Variants in CNOT2 observed in about 807,000 individuals in gnomAD.
CNOT2 encodes CC chemokine receptor 4-negative regulator of transcription 2.
A neutral mutation model predicts 72.1 loss-of-function variants in CNOT2; 7 were observed. That is an observed-to-expected ratio of 0.10 (90% CI 0.06 to 0.18). The LOEUF (loss-of-function observed/expected upper bound fraction) is 0.18. Among genes scored for constraint, CNOT2 ranks in the 10% least tolerant of loss-of-function variants. CNOT2 has a pLI of 1.00. For missense variants in CNOT2, 345 were observed against 660.3 expected (o/e 0.52, Z 5.23); for synonymous variants, 196 against 225.6 (o/e 0.87, Z 1.17).
intron 1 of CNOT2, among the ~76,000 whole-genome samples, chr12:70,276,647 T>A (rs1036429324): frequency 6.6e-6 from 1 of 152,054 alleles, no homozygotes; most frequent in African/African-American, 2.4e-5. Flanking sequence ...TCCTTATGAA[T>A]AACCTCATTG....
chr12:70,313,569 T>A (rs1321130502), intron 3 of CNOT2, among the ~76,000 whole-genome samples: 1 of 152,060 alleles, frequency 6.6e-6, no homozygotes, highest in East Asian at 1.9e-4. Context: ...TCTACAAGCT[T>A]ATCCAATTGC....
At chr12:70,290,653 C>CTG (rs1418157945) in intron 2 of CNOT2, 1 of 67,916 alleles carries the variant, frequency 1.5e-5, no homozygotes, top group Non-Finnish European at 2.5e-5. Flanking sequence ...CCACACTACT[C>CTG]TCTCGGTTGG....
intron 1 of CNOT2, among the ~76,000 whole-genome samples, chr12:70,261,067 G>A (rs1185428994): frequency 6.6e-6 from 1 of 151,342 alleles, no homozygotes; most frequent in African/African-American, 2.4e-5. Flanking sequence ...TTTCTAGTAT[G>A]TTGAGTGCTT....
intron 1 of CNOT2, among the ~76,000 whole-genome samples, chr12:70,253,352 A>G (rs1260281733): frequency 6.6e-6 from 1 of 152,184 alleles, no homozygotes; most frequent in Non-Finnish European, 1.5e-5. Flanking sequence ...ATGACCCTGT[A>G]AAACTCCTGA....
At chr12:70,341,327 G>A (rs919586195) in intron 11 of CNOT2, among the ~76,000 whole-genome samples, 1 of 152,074 alleles carries the variant, frequency 6.6e-6, no homozygotes, top group Non-Finnish European at 1.5e-5. Flanking sequence ...TGTCAGTCAT[G>A]TCCCTGCCTT....
intron 2 of CNOT2, among the ~76,000 whole-genome samples, chr12:70,305,472 G>A (rs1162025985): frequency 6.6e-6 from 1 of 152,130 alleles, no homozygotes; most frequent in African/African-American, 2.4e-5. Context: ...ATATCAGCTA[G>A]GAAATGACCG....
chr12:70,353,126 G>A (rs1452810564), intron 15 of CNOT2, among the ~76,000 whole-genome samples: 2 of 149,928 alleles, frequency 1.3e-5, no homozygotes, highest in Non-Finnish European at 3.0e-5. Context: ...GGGCTGGAGT[G>A]CAGTGGTGCA....
At chr12:70,257,653 C>T (rs919744654) in intron 1 of CNOT2, among the ~76,000 whole-genome samples, 1 of 152,006 alleles carries the variant, frequency 6.6e-6, no homozygotes, top group Non-Finnish European at 1.5e-5. Context: ...AGGTGTGAGC[C>T]ACCGCGCCCG....
intron 2 of CNOT2, among the ~76,000 whole-genome samples, chr12:70,286,155 C>T (rs78690506): frequency 2.1e-5 from 3 of 143,844 alleles, no homozygotes; most frequent in South Asian, 4.6e-4. Context: ...AACTTTATGA[C>T]GTTAGAGAAG....
At chr12:70,344,267 G>A (rs781330552) in intron 14 of CNOT2, 39 bp downstream of exon 14, 1 of 1,255,738 alleles carries the variant, frequency 8.0e-7, no homozygotes, top group African/African-American at 1.5e-5. Context: ...GTATTATAGT[G>A]GATCTTGACT....
chr12:70,244,603 G>A (rs1524246), intron 1 of CNOT2, among the ~76,000 whole-genome samples: 11,759 of 152,114 alleles, frequency 0.077, 568 homozygotes, highest in Admixed American at 0.15. Flanking sequence ...AACTTCCTTC[G>A]AATCCTTGGA....
chr12:70,323,977 AT>A, intron 4 of CNOT2: 1 of 151,774 alleles, frequency 6.6e-6, no homozygotes, highest in Non-Finnish European at 1.5e-5. Context: ...GATTTTAAGT[AT>A]TTATGTGAAT....
At chr12:70,320,370 A>G (rs1322843798) in intron 4 of CNOT2, among the ~76,000 whole-genome samples, 3 of 151,650 alleles carry the variant, frequency 2.0e-5, no homozygotes, top group African/African-American at 7.2e-5. Flanking sequence ...GGAGGATGAA[A>G]CTAATTTTGT....
chr12:70,306,907 T>C lies in CNOT2; in HGVS notation c.49-3988T>C, dbSNP rs562930373. On this transcript the variant is annotated intron_variant, in intron 2 of 15. Coordinates refer to ENST00000229195, the MANE Select transcript of CNOT2 (RefSeq NM_014515.7). ...ACCTCTTGCTCCTAGGCTATAAACA[T>C]GTACAGCATATTGCTATACGAATTC... 2.5e-4 allele frequency among the ~76,000 whole-genome samples: 38 copies of C among 152,336 alleles called. 1 individual carries two copies. The highest frequency in any genetic ancestry group is 9.1e-4 in the African/African-American group (38 of 41,578).
chr12:70,312,330 CT>C (rs1012137869), intron 3 of CNOT2, among the ~76,000 whole-genome samples: 14 of 151,718 alleles, frequency 9.2e-5, no homozygotes, highest in Non-Finnish European at 1.9e-4. Flanking sequence ...GTGTGTATTG[CT>C]GTGATTATAT....
chr12:70,261,048 T>G (rs1161131548), intron 1 of CNOT2, among the ~76,000 whole-genome samples: 1 of 151,970 alleles, frequency 6.6e-6, no homozygotes, highest in Non-Finnish European at 1.5e-5. Flanking sequence ...TTGAGGATGT[T>G]CCTTTCTATT....
intron 2 of CNOT2, chr12:70,290,812 C>T (rs541994278): frequency 5.9e-5 from 9 of 152,246 alleles, no homozygotes; most frequent in African/African-American, 2.2e-4. Flanking sequence ...AGGTGTGAGC[C>T]ACTGCACCCT....
intron 11 of CNOT2, 67 bp from the exon 12 acceptor site, chr12:70,342,040 T>C: frequency 9.9e-7 from 1 of 1,014,018 alleles, no homozygotes. Flanking sequence ...GTCTTTGTTT[T>C]TCCTGAAATA....
intron 11 of CNOT2, among the ~76,000 whole-genome samples, chr12:70,340,587 C>T (rs1881357106): frequency 6.6e-6 from 1 of 152,134 alleles, no homozygotes; most frequent in Non-Finnish European, 1.5e-5. Flanking sequence ...CTCTGTACTT[C>T]CAGAAACTTG....
Sources: allele counts gnomAD v4.1 joint callset (sites outside exome capture counted in the v4.1 genomes callset), GRCh38; gene constraint gnomAD v4.1.1; transcripts MANE v1.5; gene names NCBI Gene and HGNC (gene_info 2026-07-23, HGNC 2026-07-21).